ACADL: variants seen among roughly 807,000 people sequenced by gnomAD.
ACADL encodes long-chain specific acyl-CoA dehydrogenase, mitochondrial.
Under a neutral mutation model 56.9 loss-of-function variants are expected in ACADL, and 60 were observed. The ratio of observed to expected loss-of-function variants is 1.05; its 90% CI spans 0.86 to 1.31. The LOEUF (loss-of-function observed/expected upper bound fraction) is 1.31, where lower values mean the gene tolerates loss of function less well. Among genes scored for constraint, ACADL ranks in the 50% most tolerant of loss-of-function variants. ACADL has a pLI of 0.00. For synonymous variants in ACADL, 158 were observed against 179.7 expected (o/e 0.88, Z 0.97); for missense variants, 484 against 525.5 (o/e 0.92, Z 0.77).
intron 9 of ACADL, among the ~76,000 whole-genome samples, chr2:210,193,489 T>C (rs1688667480): frequency 6.6e-6 from 1 of 152,166 alleles, no homozygotes; most frequent in Non-Finnish European, 1.5e-5. Flanking sequence ...GAAGTGTATG[T>C]ATTAGTATTA....
At position 210,207,872 on chromosome 2, in the gene ACADL, A is replaced by G. The variant is rs115396031; in HGVS notation, c.604-2076T>C. ...GAGCTCATAGCCATTTCCTATTCAT[A>G]TATCTATCTTAAGTGCTTAGAATTC... On this transcript the variant is annotated intron_variant, in intron 5 of 10. Transcript: ENST00000233710. Among the ~76,000 whole-genome samples the G allele has an allele frequency of 5.7e-3, 873 of 152,316 alleles. 3 individuals are homozygous for G. The highest frequency in any genetic ancestry group is 0.014 in the Middle Eastern group (4 of 294).
In ACADL at chr2:210,188,048, C is replaced by G. The variant is rs1380084255; in HGVS notation, c.*913G>C. The G allele has an allele frequency of 6.6e-6, 1 of 152,092 alleles. No individual in the cohort carries two copies. Among genetic ancestry groups the G allele is most frequent in the Non-Finnish European group, 1.5e-5 (1 of 68,008 alleles). 9.4% of individuals were successfully genotyped at this position (152,092 alleles called of 1,614,324 possible). On this transcript the variant is annotated 3_prime_UTR_variant, in exon 11 of 11. Transcript: ENST00000233710. ...ATTGCACTTATGCTTGAAATTATCT[C>G]TTTTACATATTTACTTCTTACCTTA...
chr2:210,190,361 G>A (rs562933510), intron 10 of ACADL, among the ~76,000 whole-genome samples: 124 of 152,142 alleles, frequency 8.2e-4, no homozygotes, highest in Middle Eastern at 6.8e-3. Flanking sequence ...CCTACTGTAA[G>A]CCTACTTCAG....
chr2:210,221,716 A>G (rs965207373), intron 1 of ACADL, among the ~76,000 whole-genome samples: 2 of 148,384 alleles, frequency 1.3e-5, no homozygotes, highest in African/African-American at 5.0e-5. Context: ...TTACTATTAC[A>G]TGTTTCTTTC....
intron 9 of ACADL, among the ~76,000 whole-genome samples, chr2:210,194,205 ACTT>A (rs1216829999): frequency 6.6e-6 from 1 of 152,186 alleles, no homozygotes; most frequent in Admixed American, 6.6e-5. Flanking sequence ...TAGTCAAAGA[ACTT>A]CTTGTAAATG....
At chr2:210,204,920 T>C (rs1277437532) in intron 6 of ACADL, among the ~76,000 whole-genome samples, 1 of 152,242 alleles carries the variant, frequency 6.6e-6, no homozygotes, top group African/African-American at 2.4e-5. Context: ...GCTCTAATAC[T>C]GTCCAGTTCT....
chr2:210,219,689 C>G (rs1249131087), intron 2 of ACADL, among the ~76,000 whole-genome samples: 3 of 152,068 alleles, frequency 2.0e-5, no homozygotes, highest in Non-Finnish European at 4.4e-5. Context: ...TATGACAGTT[C>G]AACTTACAAT....
intron 4 of ACADL, among the ~76,000 whole-genome samples, chr2:210,215,834 C>T (rs930237503): frequency 5.9e-5 from 9 of 152,250 alleles, no homozygotes; most frequent in Admixed American, 1.3e-4. Context: ...TATATACTTG[C>T]TTATTTCTTG....
At chr2:210,202,699 G>A (rs775467996) in intron 8 of ACADL, among the ~76,000 whole-genome samples, 9 of 151,734 alleles carry the variant, frequency 5.9e-5, no homozygotes, top group Non-Finnish European at 1.2e-4. Flanking sequence ...TAAAAATAAC[G>A]ACAAAAAATT....
chr2:210,221,177 T>C (rs1416348078), intron 1 of ACADL, among the ~76,000 whole-genome samples: 6 of 152,176 alleles, frequency 3.9e-5, no homozygotes, highest in Admixed American at 3.9e-4. Context: ...AATTTTCATA[T>C]CATATACAAT....
At position 210,205,973 on chromosome 2, in the gene ACADL, G is replaced by A. The variant is rs1275956435; in HGVS notation, c.604-177C>T. On this transcript the variant is annotated intron_variant, in intron 5 of 10. Coordinates refer to ENST00000233710, the MANE Select transcript of ACADL (RefSeq NM_001608.4). ...ATTATTCACACATGATGTTATCAAG[G>A]ATCAGGGGAAAAATTACTTAATGCT... Among the ~76,000 whole-genome samples the A allele has an allele frequency of 2.0e-5, 3 of 152,174 alleles. No individual in the cohort carries two copies. The South Asian group carries it at 6.2e-4, about 32-fold the overall frequency.
chr2:210,190,644 G>A (rs759391560), intron 10 of ACADL, among the ~76,000 whole-genome samples: 9 of 152,096 alleles, frequency 5.9e-5, no homozygotes, highest in South Asian at 2.1e-4. Context: ...TCACGGGCTC[G>A]AGCCTAATGA....
rs1435568851 is a variant in ACADL, at chr2:210,203,369, G to T, written c.946C>A (p.Gln316Lys). 3 of 1,613,354 alleles carry T rather than the reference G, an allele frequency of 1.9e-6. No homozygotes were observed. In the Admixed American group the frequency reaches 5.0e-5, roughly 27 times the overall value. Residue 316 changes from glutamine (Q) to lysine (K), a missense_variant, in exon 8 of 11, where the codon CAA (glutamine) becomes AAA (lysine). Coordinates refer to ENST00000233710, the MANE Select transcript of ACADL (RefSeq NM_001608.4). ...MFEETRNYVK[Q>K]RKAFGKTVAH... ...ACTGTTTTGCCAAAAGCTTTTCTTT[G>T]TTTAACATAGTTCCTGGTTTCTTCA...
intron 3 of ACADL, chr2:210,217,334 C>A (rs1325957572): frequency 1.3e-5 from 2 of 152,032 alleles, no homozygotes; most frequent in African/African-American, 4.8e-5. Flanking sequence ...ATGTTTTCAC[C>A]TTTTTAATCC....
At chr2:210,189,184 T>C (rs1316069721) in intron 10 of ACADL, 130 bp from the exon 11 acceptor site, 18 of 655,548 alleles carry the variant, frequency 2.7e-5, no homozygotes, top group East Asian at 2.3e-4. Context: ...AAATTACTTA[T>C]TTTTTCAATA....
chr2:210,190,211 G>T (rs1351566843), intron 10 of ACADL, among the ~76,000 whole-genome samples: 1 of 152,108 alleles, frequency 6.6e-6, no homozygotes, highest in East Asian at 1.9e-4. Flanking sequence ...ATGATTTACG[G>T]TGTTACAAAG....
chr2:210,194,415 A>G (rs956264941), intron 9 of ACADL, among the ~76,000 whole-genome samples: 5 of 152,158 alleles, frequency 3.3e-5, no homozygotes, highest in Admixed American at 2.6e-4. Flanking sequence ...GGCTAATGAT[A>G]TGGGAGAATG....
intron 8 of ACADL, among the ~76,000 whole-genome samples, chr2:210,199,831 G>A (rs1688765133): frequency 6.6e-6 from 1 of 152,056 alleles, no homozygotes; most frequent in Non-Finnish European, 1.5e-5. Flanking sequence ...TGCAACATCT[G>A]CCTCCAGGGC....
intron 6 of ACADL, among the ~76,000 whole-genome samples, chr2:210,205,269 G>A (rs1050502698): frequency 3.3e-5 from 5 of 151,942 alleles, no homozygotes; most frequent in East Asian, 1.9e-4. Flanking sequence ...CAGGTGATCC[G>A]CTGGCCTCAG....
Sources: allele counts gnomAD v4.1 joint callset (sites outside exome capture counted in the v4.1 genomes callset), GRCh38; gene constraint gnomAD v4.1.1; transcripts MANE v1.5; gene names NCBI Gene and HGNC (gene_info 2026-07-23, HGNC 2026-07-21).